The following CPAMD8 variants were observed in gnomAD, a reference collection of about 807,000 sequenced individuals.
The protein encoded by CPAMD8 is C3 and PZP-like alpha-2-macroglobulin domain-containing protein 8.
A neutral mutation model predicts 224.7 loss-of-function variants in CPAMD8; 146 were observed. That is an observed-to-expected ratio of 0.65 (90% CI 0.57 to 0.75). The LOEUF is 0.75. CPAMD8 is among the 30% of genes least tolerant of loss of function. The pLI is 0.00. For missense variants in CPAMD8, 2,301 were observed against 2,537.5 expected (o/e 0.91, Z 2.00); for synonymous variants, 966 against 1,044.6 (o/e 0.92, Z 1.45).
intron 13 of CPAMD8, among the ~76,000 whole-genome samples, chr19:16,987,179 A>AAAATAT (rs1555784836): frequency 2.0e-4 from 11 of 53,920 alleles, no homozygotes; most frequent in South Asian, 6.5e-4. Context: ...AAAAAAAAAA[A>AAAATAT]ATATATATAT....
rs937092693 is a variant in CPAMD8 at position 16,998,819 on chromosome 19, G to A, written c.868-1481C>T. ...TGTTACCCTCTGACCTAGCAATTCC[G>A]CTCCTAGGAAAGAACCCAAGAGAAA... On this transcript the variant is annotated intron_variant, in intron 10 of 41. Transcript: ENST00000443236. Among the ~76,000 whole-genome samples the A allele has an allele frequency of 3.9e-5, 6 of 152,258 alleles. 1 individual carries two copies. The South Asian group carries it at 6.2e-4, about 16-fold the overall frequency.
intron 17 of CPAMD8, 92 bp from the exon 18 acceptor site, chr19:16,971,125 G>C (rs2055049542): frequency 6.9e-6 from 8 of 1,154,558 alleles, no homozygotes; most frequent in Non-Finnish European, 9.7e-6. Flanking sequence ...TGTGGCCACT[G>C]TCCCAATATC....
chr19:16,904,651 G>C, intron 30 of CPAMD8, 99 bp from the exon 31 acceptor site: 2 of 818,532 alleles, frequency 2.4e-6, no homozygotes, highest in Admixed American at 1.9e-5. Context: ...AAAAGGTATT[G>C]TGGGACCCCA....
chr19:16,918,538 T>C (rs746154716), intron 27 of CPAMD8, among the ~76,000 whole-genome samples: 14 of 151,354 alleles, frequency 9.2e-5, no homozygotes, highest in Non-Finnish European at 1.9e-4. Context: ...GCCTTGAACT[T>C]CTGGGCTCAA....
At chr19:16,979,474 C>T (rs116737366) in intron 14 of CPAMD8, among the ~76,000 whole-genome samples, 1,740 of 151,530 alleles carry the variant, frequency 0.011, 37 homozygotes, top group African/African-American at 0.039. Context: ...GTCCATTCAT[C>T]CATCCATCCA....
At chr19:16,943,989 T>G (rs938508257) in intron 22 of CPAMD8, among the ~76,000 whole-genome samples, 1 of 152,180 alleles carries the variant, frequency 6.6e-6, no homozygotes, top group African/African-American at 2.4e-5. Context: ...CCAGCAGATA[T>G]AGAGGATCTT....
At chr19:16,903,419 A>C in intron 34 of CPAMD8, 142 bp downstream of exon 34, 1 of 1,247,374 alleles carries the variant, frequency 8.0e-7, no homozygotes, top group Non-Finnish European at 1.1e-6. Flanking sequence ...GCAGTATTAG[A>C]AGGCTGAAAA....
chr19:16,914,592 A>G (rs2052864862), intron 28 of CPAMD8, 65 bp downstream of exon 28: 2 of 1,612,078 alleles, frequency 1.2e-6, no homozygotes, highest in Admixed American at 3.3e-5. Flanking sequence ...AGGAACAGGC[A>G]GGTCAGGGCT....
rs1312837601 is a variant in CPAMD8 at position 16,906,290 on chromosome 19, T to A, written c.4027+662A>T. ...TCCTTCCTTCCTTTCTTCCTCTCCC[T>A]CCCTCCCTCCCTCTCTCTCTTCTCT... On this transcript the variant is annotated intron_variant, in intron 30 of 41. Transcript: ENST00000443236. 3.7e-5 allele frequency among the ~76,000 whole-genome samples: 5 copies of A among 135,388 alleles called. No individual in the cohort carries two copies. The Admixed American group carries it at 3.7e-4, about 10-fold the overall frequency. 88.8% of individuals were successfully genotyped at this position (135,388 alleles called of 152,430 possible).
In CPAMD8 at chr19:17,009,145, G is replaced by A. The variant is rs77743556; in HGVS notation, c.504+158C>T. 8,929 of 1,152,136 alleles carry A rather than the reference G, an allele frequency of 7.7e-3. 443 individuals carry two copies. In the African/African-American group the frequency reaches 0.12, roughly 15 times the overall value. The allele number at this position is 1,152,136 out of a possible 1,614,324, so 71.4% of individuals were successfully genotyped here. On this transcript the variant is annotated intron_variant, in intron 6 of 41. Coordinates refer to ENST00000443236, the MANE Select transcript of CPAMD8 (RefSeq NM_015692.5). The stretch of plus-strand genomic sequence containing the variant: ...ACACACACACAGCCCATCCCAGGGC[G>A]GACCCAGGGACCAGGATAGAAGAGG...
chr19:16,952,681 C>T (rs1319630618), intron 19 of CPAMD8, among the ~76,000 whole-genome samples: 1 of 151,896 alleles, frequency 6.6e-6, no homozygotes, highest in Non-Finnish European at 1.5e-5. Flanking sequence ...CTGTCACACA[C>T]ACACAAAAAT....
Position 16,906,337 on chromosome 19 carries a change from CCTTTCTTTCTTTCTTT to C in CPAMD8, c.4027+599_4027+614del, listed in dbSNP as rs35867251. 7.7e-3 allele frequency among the ~76,000 whole-genome samples: 627 copies of C among 81,650 alleles called. 4 individuals are homozygous for C. The highest frequency in any genetic ancestry group is 0.03 in the East Asian group (71 of 2,332). The allele number at this position is 81,650 out of a possible 152,430, so 53.6% of individuals were successfully genotyped here. ...CTCTCCCTCCTTCCTTCCTTCTTTC[CCTTTCTTTCTTTCTTT>C]CTTTCTTTCTTTCTTTCTTTCTTTC... On this transcript the variant is annotated intron_variant, in intron 30 of 41. Coordinates refer to ENST00000443236, the MANE Select transcript of CPAMD8 (RefSeq NM_015692.5).
At chr19:16,987,579 C>G (rs2122861131) in intron 13 of CPAMD8, among the ~76,000 whole-genome samples, 1 of 152,096 alleles carries the variant, frequency 6.6e-6, no homozygotes, top group African/African-American at 2.4e-5. Flanking sequence ...TGTAAGAATA[C>G]AGTATATCAT....
At chr19:16,936,128 AT>A (rs2053676213) in intron 23 of CPAMD8, among the ~76,000 whole-genome samples, 1 of 151,968 alleles carries the variant, frequency 6.6e-6, no homozygotes, top group South Asian at 2.1e-4. Flanking sequence ...GGGTCTCATC[AT>A]GTTGGCCAGG....
At chr19:17,016,538 A>C (rs1599924137) in intron 3 of CPAMD8, among the ~76,000 whole-genome samples, 1 of 152,154 alleles carries the variant, frequency 6.6e-6, no homozygotes, top group South Asian at 2.1e-4. Context: ...AGGCAGGTGG[A>C]TCACTTGAGG....
chr19:16,980,015 C>A (rs150301701), intron 14 of CPAMD8, among the ~76,000 whole-genome samples: 2 of 152,116 alleles, frequency 1.3e-5, no homozygotes, highest in South Asian at 4.2e-4. Context: ...GTGCACAGGA[C>A]GCCCCCACTC....
intron 39 of CPAMD8, 56 bp from the exon 40 acceptor site, chr19:16,896,721 C>A (rs2052013741): frequency 1.6e-6 from 2 of 1,256,960 alleles, no homozygotes; most frequent in Admixed American, 7.0e-5. Flanking sequence ...CCCGCGCCCC[C>A]ACAGAACCTG....
intron 11 of CPAMD8, among the ~76,000 whole-genome samples, chr19:16,995,541 C>T (rs1417130066): frequency 6.6e-6 from 1 of 152,204 alleles, no homozygotes; most frequent in African/African-American, 2.4e-5. Flanking sequence ...ACTGGCATTA[C>T]AGGTGTCCAC....
At chr19:16,949,608 T>C (rs946018356) in intron 20 of CPAMD8, among the ~76,000 whole-genome samples, 3 of 152,156 alleles carry the variant, frequency 2.0e-5, no homozygotes, top group Non-Finnish European at 4.4e-5. Flanking sequence ...GCCTAGACAA[T>C]GGCAGGAGCC....
Sources: gnomAD v4.1 joint callset for allele counts (sites outside exome capture counted in the v4.1 genomes callset) on GRCh38, gnomAD v4.1.1 for gene constraint, MANE v1.5 for transcripts, NCBI Gene and HGNC (gene_info 2026-07-23, HGNC 2026-07-21) for gene names.